TGFBI: variants seen among roughly 807,000 people sequenced by gnomAD.
TGFBI encodes transforming growth factor-beta-induced protein ig-h3.
Under a neutral mutation model 73.7 loss-of-function variants are expected in TGFBI, and 50 were observed. The observed-to-expected ratio is 0.68, with a 90% confidence interval of 0.54 to 0.86. The LOEUF (loss-of-function observed/expected upper bound fraction) is 0.86. TGFBI is among the 40% of genes least tolerant of loss of function. The pLI, the probability that TGFBI is intolerant of heterozygous loss-of-function variation, is 0.00. For synonymous variants in TGFBI, 362 were observed against 360.5 expected (o/e 1.00, Z -0.05); for missense variants, 839 against 877.0 (o/e 0.96, Z 0.55).
chr5:136,056,652 T>C lies in TGFBI; in HGVS notation c.1548-13T>C, dbSNP rs760069147. ...CTGTTGACAGGTGACATTTTCTGTG[T>C]GTGTATCTACAGCATGCTGGTAGCT... is the stretch of plus-strand genomic sequence containing the variant. On this transcript the variant is annotated splice_polypyrimidine_tract_variant and intron_variant, in intron 11 of 16. Coordinates refer to ENST00000442011, the MANE Select transcript of TGFBI (RefSeq NM_000358.3). 10 of 1,613,822 alleles carry C rather than the reference T, an allele frequency of 6.2e-6. No individual in the cohort carries two copies. Among genetic ancestry groups the C allele is most frequent in the Non-Finnish European group, 5.9e-6 (7 of 1,179,858 alleles).
Position 136,056,684 on chromosome 5 carries a change from C to T in TGFBI, c.1567C>T (p.Gln523Ter), listed in dbSNP as rs1271465134. 5.0e-6 allele frequency: 8 copies of T among 1,613,816 alleles called. No homozygotes were observed. ...CTACAGCATGCTGGTAGCTGCCATC[C>T]AGTCTGCAGGACTGACGGAGACCCT... ...NRFSMLVAAIQSAGLTETLNR... is the reference protein window; with the variant it reads ...NRFSMLVAAI Residue 523 changes from glutamine (Q) to a stop codon, truncating the protein, a stop_gained, in exon 12 of 17, where the codon CAG becomes TAG. Coordinates refer to ENST00000442011, the MANE Select transcript of TGFBI (RefSeq NM_000358.3). LOFTEE classifies it high-confidence loss of function.
intron 1 of TGFBI, among the ~76,000 whole-genome samples, chr5:136,029,803 C>T (rs1168957665): frequency 6.6e-6 from 1 of 152,232 alleles, no homozygotes; most frequent in African/African-American, 2.4e-5. Context: ...CTCACACACA[C>T]TGTTCAAATG....
chr5:136,062,512 C>A, intron 15 of TGFBI, 151 bp from the exon 16 acceptor site: 2 of 776,832 alleles, frequency 2.6e-6, no homozygotes, highest in Non-Finnish European at 4.5e-6. Flanking sequence ...ACCTGAGGAA[C>A]TCCCTGGTGC....
chr5:136,046,679 C>T (rs1751434453), intron 4 of TGFBI, 172 bp from the exon 5 acceptor site: 1 of 1,187,770 alleles, frequency 8.4e-7, no homozygotes, highest in Admixed American at 2.8e-5. Flanking sequence ...GCGTCTAATG[C>T]CCCCCGTTCC....
At chr5:136,042,761 C>G (rs982302903) in intron 2 of TGFBI, among the ~76,000 whole-genome samples, 1 of 152,166 alleles carries the variant, frequency 6.6e-6, no homozygotes, top group Non-Finnish European at 1.5e-5. Context: ...AACTCCCTGG[C>G]CACCTGAGCA....
chr5:136,060,852 G>C lies in TGFBI; in HGVS notation c.1822G>C (p.Val608Leu), dbSNP rs762908437. Reference sequence around the variant, plus strand: ...CTTTTAGAAAAACAATGTGGTGAGTGTCAACAAGGAGCCTGTTGCCGAGCC... The same window carrying C: ...CTTTTAGAAAAACAATGTGGTGAGTCTCAACAAGGAGCCTGTTGCCGAGCC... ...EVSLKNNVVS[V>L]NKEPVAEPDI... Residue 608 changes from valine (V) to leucine (L), a missense_variant, in exon 14 of 17, where the codon GTC becomes CTC. Coordinates refer to ENST00000442011, the MANE Select transcript of TGFBI (RefSeq NM_000358.3). 2.5e-6 allele frequency: 4 copies of C among 1,601,718 alleles called. No homozygotes were observed. The highest frequency in any genetic ancestry group is 3.4e-6 in the Non-Finnish European group (4 of 1,171,366).
At chr5:136,059,693 C>T (rs1187551863) in intron 13 of TGFBI, among the ~76,000 whole-genome samples, 5 of 152,174 alleles carry the variant, frequency 3.3e-5, no homozygotes, top group African/African-American at 9.7e-5. Context: ...TAAGAGTGTT[C>T]CTAAAGCAGA....
At chr5:136,039,880 G>C (rs1003528573) in intron 2 of TGFBI, among the ~76,000 whole-genome samples, 7 of 152,192 alleles carry the variant, frequency 4.6e-5, no homozygotes, top group Non-Finnish European at 1.5e-5. Flanking sequence ...AACCATCCCA[G>C]GCAAGCAGTC....
At chr5:136,049,810 C>A (rs1751500345) in intron 7 of TGFBI, 3 of 501,914 alleles carry the variant, frequency 6.0e-6, no homozygotes, top group Non-Finnish European at 1.1e-5. Context: ...TCTGGGAGAG[C>A]TGGACTGAAG....
intron 3 of TGFBI, 157 bp from the exon 4 acceptor site, chr5:136,046,178 C>A (rs1355529924): frequency 2.6e-6 from 2 of 755,810 alleles, no homozygotes; most frequent in Non-Finnish European, 4.2e-6. Context: ...CTATAACAAG[C>A]CTTAAGCCCC....
Position 136,055,766 on chromosome 5 carries a change from C to A in TGFBI, c.1497C>A (p.Thr499=), listed in dbSNP as rs752912680. ...GTLFTMDRVL[T]PPMGTVMDVL... ...TGTTCACGATGGACCGGGTGCTGAC[C>A]CCCCCAATGGGGACTGTCATGGATG... Residue 499 remains threonine (T), a synonymous_variant, in exon 11 of 17, where the codon ACC becomes ACA. Coordinates refer to ENST00000442011, the MANE Select transcript of TGFBI (RefSeq NM_000358.3). 6.2e-7 allele frequency: 1 copy of A among 1,612,618 alleles called. No homozygotes were observed. Among genetic ancestry groups the A allele is most frequent in the Non-Finnish European group, 8.5e-7 (1 of 1,179,014 alleles).
rs1751053801 is a variant in TGFBI, at chr5:136,029,004, C to A, written c.-52C>A. On this transcript the variant is annotated 5_prime_UTR_variant, in exon 1 of 17. Transcript: ENST00000442011. ...GGAGGCGCTCTCACTTCCCTGGAGC[C>A]GCCCGCTTGCCCGTCGGTCGCTAGC... 2 of 1,505,590 alleles carry A rather than the reference C, an allele frequency of 1.3e-6. No homozygotes were observed. The highest frequency in any genetic ancestry group is 4.1e-5 in the Admixed American group (2 of 48,860). The allele number at this position is 1,505,590 out of a possible 1,614,324, so 93.3% of individuals were successfully genotyped here.
chr5:136,059,872 T>C (rs1201591315), intron 13 of TGFBI, among the ~76,000 whole-genome samples: 3 of 152,200 alleles, frequency 2.0e-5, no homozygotes, highest in Non-Finnish European at 4.4e-5. Context: ...TAGGAAGATA[T>C]GCATGTAGGG....
At chr5:136,034,275 C>A (rs761895781) in intron 2 of TGFBI, among the ~76,000 whole-genome samples, 15 of 151,948 alleles carry the variant, frequency 9.9e-5, no homozygotes, top group Non-Finnish European at 2.1e-4. Context: ...AGGTAAACAC[C>A]CCAAAAAGAC....
intron 13 of TGFBI, among the ~76,000 whole-genome samples, chr5:136,060,414 GAA>G (rs1751725497): frequency 6.6e-6 from 1 of 152,218 alleles, no homozygotes; most frequent in Non-Finnish European, 1.5e-5. Context: ...CTTGGCATAT[GAA>G]AAGTGTTCAG....
In TGFBI at chr5:136,055,833, C is replaced by G. The variant is rs1225744013; in HGVS notation, c.1547+17C>G. On this transcript the variant is annotated intron_variant, in intron 11 of 16. Transcript: ENST00000442011. ...TCGCTTTAGGTAATTAGTTCCATCC[C>G]CGGGTGGAGCTTCTGCCCAGTGGTC... is the stretch of plus-strand genomic sequence containing the variant. 6.3e-7 allele frequency: 1 copy of G among 1,586,778 alleles called. No homozygotes were observed. The highest frequency in any genetic ancestry group is 1.3e-5 in the African/African-American group (1 of 74,548).
At chr5:136,054,205 CA>C (rs1241507412) in intron 9 of TGFBI, 125 bp downstream of exon 9, 4 of 1,330,198 alleles carry the variant, frequency 3.0e-6, no homozygotes, top group Admixed American at 2.2e-5. Flanking sequence ...TCAGCTCAAC[CA>C]AAAGCAGATG....
chr5:136,062,393 A>C (rs2126918582), intron 15 of TGFBI, among the ~76,000 whole-genome samples: 1 of 151,728 alleles, frequency 6.6e-6, no homozygotes, highest in East Asian at 1.9e-4. Flanking sequence ...CAGCTCCCTC[A>C]ACTCTAGGCT....
intron 15 of TGFBI, among the ~76,000 whole-genome samples, 189 bp from the exon 16 acceptor site, chr5:136,062,474 G>A (rs751836607): frequency 1.3e-5 from 2 of 152,060 alleles, no homozygotes; most frequent in Non-Finnish European, 2.9e-5. Context: ...CTTGATAGGG[G>A]CTTGCACAAC....
Sources: allele counts gnomAD v4.1 joint callset (sites outside exome capture counted in the v4.1 genomes callset), GRCh38; gene constraint gnomAD v4.1.1; transcripts MANE v1.5; gene names NCBI Gene and HGNC (gene_info 2026-07-23, HGNC 2026-07-21).